Variants in SEMA3C observed in about 807,000 individuals in gnomAD.
The protein encoded by SEMA3C is semaphorin-3C.
In SEMA3C, 47 loss-of-function variants were observed where a neutral mutation model predicts 89.4. The ratio of observed to expected loss-of-function variants is 0.53; its 90% CI spans 0.42 to 0.67. The LOEUF is 0.67. Among genes scored for constraint, SEMA3C ranks in the 30% least tolerant of loss-of-function variants. The pLI, the probability that SEMA3C is intolerant of heterozygous loss-of-function variation, is 0.00. For synonymous variants in SEMA3C, 310 were observed against 320.2 expected, an observed-to-expected ratio of 0.97 and a Z score of 0.34; for missense variants, 839 against 929.1, an observed-to-expected ratio of 0.90 and a Z score of 1.26.
intron 2 of SEMA3C, among the ~76,000 whole-genome samples, chr7:80,900,698 TG>T (rs1169186863): frequency 1.3e-5 from 2 of 152,200 alleles, no homozygotes; most frequent in Non-Finnish European, 2.9e-5. Context: ...GTTTCCATTT[TG>T]GTTTGAACAA....
At chr7:80,800,495 C>G (rs1052049143) in intron 10 of SEMA3C, among the ~76,000 whole-genome samples, 3 of 152,006 alleles carry the variant, frequency 2.0e-5, no homozygotes, top group Non-Finnish European at 4.4e-5. Context: ...CGTATTTTTT[C>G]CTACATTATA....
chr7:80,905,870 C>CT (rs2116218052), intron 2 of SEMA3C: 1 of 1,289,696 alleles, frequency 7.8e-7, no homozygotes, highest in South Asian at 1.2e-5. Context: ...CGCCACACTT[C>CT]TTTTTGTACC....
chr7:80,798,254 A>G lies in SEMA3C; in HGVS notation c.987-18T>C. 1 of 1,411,882 alleles carries G rather than the reference A, an allele frequency of 7.1e-7. No homozygotes were observed. The highest frequency in any genetic ancestry group is 9.3e-7 in the Non-Finnish European group (1 of 1,075,982). 87.5% of individuals were successfully genotyped at this position (1,411,882 alleles called of 1,614,324 possible). ...AAACTGAGCTAAAAAAGAAAACAGA[A>G]AAAGGCATTTTCAAATTTTTAAAAT... On this transcript the variant is annotated intron_variant, in intron 10 of 17. Coordinates refer to ENST00000265361, the MANE Select transcript of SEMA3C (RefSeq NM_006379.5).
intron 2 of SEMA3C, among the ~76,000 whole-genome samples, chr7:80,848,927 C>T (rs1385479776): frequency 6.6e-6 from 1 of 151,914 alleles, no homozygotes; most frequent in East Asian, 1.9e-4. Flanking sequence ...ACTTTGGATG[C>T]CCTCTTTTAA....
intron 12 of SEMA3C, among the ~76,000 whole-genome samples, chr7:80,775,701 T>C (rs1172083008): frequency 6.6e-6 from 1 of 152,126 alleles, no homozygotes; most frequent in Non-Finnish European, 1.5e-5. Context: ...TACACATGGT[T>C]TGAAGATTTC....
At chr7:80,883,559 G>A (rs1791402918) in intron 2 of SEMA3C, among the ~76,000 whole-genome samples, 1 of 152,160 alleles carries the variant, frequency 6.6e-6, no homozygotes, top group Non-Finnish European at 1.5e-5. Context: ...TACTTCCCCA[G>A]TTGGATTTTT....
intron 2 of SEMA3C, among the ~76,000 whole-genome samples, chr7:80,878,417 T>C (rs1325882913): frequency 2.0e-5 from 3 of 152,036 alleles, no homozygotes; most frequent in Non-Finnish European, 4.4e-5. Context: ...AAAATGAATA[T>C]AATTTCACAA....
At chr7:80,765,055 T>C (rs1788266053) in intron 13 of SEMA3C, 100 bp downstream of exon 13, 2 of 720,482 alleles carry the variant, frequency 2.8e-6, no homozygotes, top group Non-Finnish European at 4.5e-6. Flanking sequence ...ATTCATTTAT[T>C]TGATCTTTTA....
At chr7:80,809,364 TC>T (rs1428074267) in intron 6 of SEMA3C, among the ~76,000 whole-genome samples, 1 of 152,144 alleles carries the variant, frequency 6.6e-6, no homozygotes, top group African/African-American at 2.4e-5. Context: ...TTTAACCATT[TC>T]TAAAAGATTA....
At chr7:80,877,140 G>A (rs1791220639) in intron 2 of SEMA3C, among the ~76,000 whole-genome samples, 1 of 152,116 alleles carries the variant, frequency 6.6e-6, no homozygotes, top group Admixed American at 6.5e-5. Flanking sequence ...TGTAAAGTCT[G>A]GAGCAATTAA....
chr7:80,767,403 G>A (rs997164149), intron 12 of SEMA3C, among the ~76,000 whole-genome samples: 1 of 152,028 alleles, frequency 6.6e-6, no homozygotes, highest in African/African-American at 2.4e-5. Flanking sequence ...TAAGAATACA[G>A]GAAATAATAT....
upstream of SEMA3C, among the ~76,000 whole-genome samples, chr7:80,921,012 A>G (rs1419131293): frequency 2.0e-5 from 3 of 152,250 alleles, no homozygotes; most frequent in Admixed American, 6.5e-5. Flanking sequence ...GTAAGATGGA[A>G]TTCGTTTATA....
At chr7:80,900,276 G>T (rs1440635817) in intron 2 of SEMA3C, among the ~76,000 whole-genome samples, 4 of 152,014 alleles carry the variant, frequency 2.6e-5, no homozygotes, top group African/African-American at 4.8e-5. Context: ...ACCACGCCTG[G>T]CTAATTTTTT....
chr7:80,896,035 T>G (rs1791728504), intron 2 of SEMA3C, among the ~76,000 whole-genome samples: 1 of 152,128 alleles, frequency 6.6e-6, no homozygotes, highest in African/African-American at 2.4e-5. Context: ...ATGAGAGTTG[T>G]GTTTAGTTTA....
At chr7:80,866,424 AC>A (rs1278791078) in intron 2 of SEMA3C, among the ~76,000 whole-genome samples, 3 of 152,310 alleles carry the variant, frequency 2.0e-5, no homozygotes. Context: ...GGTAATTTTT[AC>A]TTTTAATTAT....
intron 13 of SEMA3C, among the ~76,000 whole-genome samples, chr7:80,762,317 A>ACTATT (rs1238817993): frequency 1.3e-5 from 2 of 152,154 alleles, no homozygotes; most frequent in African/African-American, 2.4e-5. Context: ...TTCACCTGCC[A>ACTATT]GTGCTGTTTC....
intron 7 of SEMA3C, 97 bp downstream of exon 7, chr7:80,805,542 T>C (rs1448284350): frequency 1.5e-5 from 15 of 1,016,866 alleles, no homozygotes; most frequent in Middle Eastern, 2.4e-4. Context: ...TAGCCTGCTA[T>C]TTTAGTTTTT....
At chr7:80,772,014 T>A (rs1175511311) in intron 12 of SEMA3C, among the ~76,000 whole-genome samples, 1 of 152,216 alleles carries the variant, frequency 6.6e-6, no homozygotes, top group African/African-American at 2.4e-5. Context: ...CTAAAAGGCA[T>A]CTCTTCCTTT....
intron 2 of SEMA3C, among the ~76,000 whole-genome samples, chr7:80,858,121 A>T (rs1276130529): frequency 1.3e-5 from 2 of 152,284 alleles, no homozygotes; most frequent in Non-Finnish European, 2.9e-5. Flanking sequence ...CATATTGAAA[A>T]TAAATATTAG....
Sources: gnomAD v4.1 joint callset for allele counts (sites outside exome capture counted in the v4.1 genomes callset) on GRCh38, gnomAD v4.1.1 for gene constraint, MANE v1.5 for transcripts, NCBI Gene and HGNC (gene_info 2026-07-23, HGNC 2026-07-21) for gene names.